Variants in CDC6 observed in about 807,000 individuals in gnomAD.
CDC6 encodes the protein cell division cycle 6, also known as DNA replication factor CDC6.
A neutral mutation model predicts 60.2 loss-of-function variants in CDC6; 46 were observed. The observed-to-expected ratio is 0.76, with a 90% confidence interval of 0.60 to 0.98. CDC6 has a LOEUF of 0.98. Ranked by LOEUF, CDC6 falls within the 50% of genes least tolerant of loss-of-function variation. CDC6 has a pLI of 0.00. For missense variants in CDC6, 596 were observed against 652.9 expected (o/e 0.91, Z 0.95); for synonymous variants, 210 against 233.2 (o/e 0.90, Z 0.90).
At chr17:40,293,074 A>G (rs192677415) in intron 4 of CDC6, among the ~76,000 whole-genome samples, 1 of 152,158 alleles carries the variant, frequency 6.6e-6, no homozygotes, top group African/African-American at 2.4e-5. Context: ...CCCCATCTCT[A>G]CTAAAAATAT....
Position 40,302,372 on chromosome 17 carries a change from T to C in CDC6, c.*371T>C, listed in dbSNP as rs1330821517. Reference sequence around the variant, plus strand: ...TTTGTTTTTTTTGTTGTTGTTGTTTTTGAGGCGCGTCTCACCCTGTTGCCC... The same window carrying C: ...TTTGTTTTTTTTGTTGTTGTTGTTTCTGAGGCGCGTCTCACCCTGTTGCCC... On this transcript the variant is annotated 3_prime_UTR_variant, in exon 12 of 12. Coordinates refer to ENST00000209728, the MANE Select transcript of CDC6 (RefSeq NM_001254.4). 1 of 262,778 alleles carries C rather than the reference T, an allele frequency of 3.8e-6. No homozygotes were observed. Among genetic ancestry groups the C allele is most frequent in the Non-Finnish European group, 7.4e-6 (1 of 135,704 alleles). The allele number at this position is 262,778 out of a possible 1,614,324, so 16.3% of individuals were successfully genotyped here. A position where few individuals can be genotyped will look rare whatever the true frequency, so the allele number is the denominator to read the frequency against.
chr17:40,301,152 T>A (rs2032934679), intron 10 of CDC6, 122 bp downstream of exon 10: 2 of 781,072 alleles, frequency 2.6e-6, no homozygotes, highest in Admixed American at 3.9e-5. Context: ...ATTTTAACAG[T>A]AAGAATTAAT....
Position 40,291,613 on chromosome 17 carries a change from G to T in CDC6, c.605G>T (p.Gly202Val). 2 of 1,614,212 alleles carry T rather than the reference G, an allele frequency of 1.2e-6. No homozygotes were observed. The highest frequency in any genetic ancestry group is 2.2e-5 in the South Asian group (2 of 91,090). The part of the protein sequence containing the change: ...GKKAGSLYLS[G>V]APGTGKTACL... Reference sequence around the variant, plus strand: ...AAAGCTGGAAGCCTTTACCTTTCTGGTGCTCCTGGAACTGGAAAAACTGCC... The same window carrying T: ...AAAGCTGGAAGCCTTTACCTTTCTGTTGCTCCTGGAACTGGAAAAACTGCC... The change falls in exon 4 of 12, where the codon GGT (glycine) becomes GTT (valine). Residue 202 changes from glycine to valine, a missense_variant. Physicochemically the swap from Gly to Val is moderately radical, Grantham distance 109. Transcript: ENST00000209728.
chr17:40,298,337 A>T (rs2032888902), intron 9 of CDC6, among the ~76,000 whole-genome samples: 1 of 152,094 alleles, frequency 6.6e-6, no homozygotes, highest in South Asian at 2.1e-4. Context: ...TCAAAAAGGT[A>T]AAGAGGTTGT....
Position 40,293,483 on chromosome 17 carries a change from A to G in CDC6, c.688A>G (p.Met230Val), listed in dbSNP as rs751753034. 6.2e-7 allele frequency: 1 copy of G among 1,614,098 alleles called. No individual in the cohort carries two copies. The highest frequency in any genetic ancestry group is 8.5e-7 in the Non-Finnish European group (1 of 1,179,962). ...KKELKGFKTI[M>V]LNCMSLRTAQ... ...GGAACTGAAAGGCTTTAAAACTATCATGCTGAATTGCATGTCCTTGAGGAC... is the reference window on the plus strand; with the variant it reads ...GGAACTGAAAGGCTTTAAAACTATCGTGCTGAATTGCATGTCCTTGAGGAC... The change falls in exon 5 of 12, where the codon ATG becomes GTG. Residue 230 changes from methionine (M) to valine (V), a missense_variant. Coordinates refer to ENST00000209728, the MANE Select transcript of CDC6 (RefSeq NM_001254.4).
chr17:40,299,136 G>GTTTTT (rs2032900365), intron 9 of CDC6, among the ~76,000 whole-genome samples: 2 of 101,650 alleles, frequency 2.0e-5, no homozygotes, highest in South Asian at 3.2e-4. Context: ...TAAGGCCATA[G>GTTTTT]TCTTTTTTTT....
At chr17:40,301,203 G>A (rs1227242250) in intron 10 of CDC6, among the ~76,000 whole-genome samples, 173 bp downstream of exon 10, 2 of 152,176 alleles carry the variant, frequency 1.3e-5, no homozygotes, top group African/African-American at 4.8e-5. Flanking sequence ...CTTGGATTGT[G>A]GTTGAGAGTT....
intron 6 of CDC6, 145 bp downstream of exon 6, chr17:40,294,201 C>T (rs950015680): frequency 2.2e-6 from 2 of 904,692 alleles, no homozygotes; most frequent in Admixed American, 3.7e-5. Flanking sequence ...TACATCTTAC[C>T]TAATAGATAC....
Position 40,287,927 on chromosome 17 carries a change from A to G in CDC6, c.-177A>G, listed in dbSNP as rs931970108. 1 of 153,142 alleles carries G rather than the reference A, an allele frequency of 6.5e-6. No individual in the cohort carries two copies. Among genetic ancestry groups the G allele is most frequent in the Admixed American group, 6.5e-5 (1 of 15,286 alleles). 9.5% of individuals were successfully genotyped at this position (153,142 alleles called of 1,614,324 possible). On this transcript the variant is annotated 5_prime_UTR_variant, in exon 1 of 12. Coordinates refer to ENST00000209728, the MANE Select transcript of CDC6 (RefSeq NM_001254.4). ...CTGGAGTTTGCTGCTGCCGCTGTGC[A>G]GTTTGTTCAGGGGCTTGTGGTGGTG...
In CDC6 at chr17:40,295,623, C is replaced by A. The variant is rs867108011; in HGVS notation, c.1184+167C>A. The A allele has an allele frequency of 3.5e-5, 22 of 621,514 alleles. No individual in the cohort carries two copies. The African/African-American group carries it at 3.9e-4, about 11-fold the overall frequency. 38.5% of individuals were successfully genotyped at this position (621,514 alleles called of 1,614,324 possible). A position where few individuals can be genotyped will look rare whatever the true frequency, so the allele number is the denominator to read the frequency against. ...TCAGTGGGGAGCTCTGGATTTCCAC[C>A]GTGTTAATGTCTGAAACATTATCAG... On this transcript the variant is annotated intron_variant, in intron 8 of 11. Transcript: ENST00000209728.
At position 40,296,703 on chromosome 17, in the gene CDC6, G is replaced by C; in HGVS notation, c.1185G>C (p.Arg395Ser). 1 of 1,582,304 alleles carries C rather than the reference G, an allele frequency of 6.3e-7. No homozygotes were observed. The highest frequency in any genetic ancestry group is 1.1e-5 in the South Asian group (1 of 90,310). ...GDVRKALDVC[R>S]RAIEIVESDV... ...TTAATTTTAGAAATTTTTTTTATAG[G>C]AGAGCTATTGAAATTGTAGAGTCAG... Residue 395 changes from arginine (R) to serine (S), a missense_variant and splice_region_variant, in exon 9 of 12, where the codon AGG becomes AGC. Physicochemically the swap from Arg to Ser is moderately radical, Grantham distance 110. Coordinates refer to ENST00000209728, the MANE Select transcript of CDC6 (RefSeq NM_001254.4).
At chr17:40,288,313 G>A (rs909324391) in intron 1 of CDC6, among the ~76,000 whole-genome samples, 1 of 152,208 alleles carries the variant, frequency 6.6e-6, no homozygotes, top group African/African-American at 2.4e-5. Flanking sequence ...TGAGGGCTTG[G>A]GATAGAAGAG....
At chr17:40,300,768 A>G (rs1039802935) in intron 9 of CDC6, 60 bp from the exon 10 acceptor site, 1 of 1,259,276 alleles carries the variant, frequency 7.9e-7, no homozygotes. Context: ...CTGTCTCATC[A>G]TACATACACA....
chr17:40,300,280 A>G (rs917647794), intron 9 of CDC6, among the ~76,000 whole-genome samples: 28 of 152,042 alleles, frequency 1.8e-4, no homozygotes, highest in Non-Finnish European at 3.8e-4. Flanking sequence ...TTCCTTTCTT[A>G]ATTACCAAGC....
Position 40,293,934 on chromosome 17 carries a change from G to C in CDC6, c.837-16G>C, listed in dbSNP as rs750691786. ...AAGAAGGTGAATATGGATACTAACT[G>C]TTTCTCTTTTTATAGTGTGTTGGTA... On this transcript the variant is annotated splice_polypyrimidine_tract_variant and intron_variant, in intron 5 of 11. Coordinates refer to ENST00000209728, the MANE Select transcript of CDC6 (RefSeq NM_001254.4). 6.3e-7 allele frequency: 1 copy of C among 1,594,928 alleles called. No individual in the cohort carries two copies. The highest frequency in any genetic ancestry group is 8.6e-7 in the Non-Finnish European group (1 of 1,162,504).
chr17:40,289,179 G>A, intron 1 of CDC6: 2 of 470,116 alleles, frequency 4.3e-6, no homozygotes, highest in East Asian at 8.2e-5. Flanking sequence ...TGTTAAACGA[G>A]TTGGTACCTA....
chr17:40,302,028 G>T lies in CDC6; in HGVS notation c.*27G>T, dbSNP rs1437182103. The T allele has an allele frequency of 7.8e-7, 1 of 1,277,598 alleles. No individual in the cohort carries two copies. 79.1% of individuals were successfully genotyped at this position (1,277,598 alleles called of 1,614,324 possible). ...TTCTTCTCTTACACCCCACCCGAAAGTATTCAGCTGGCATTTAGAGAGCTA... is the reference window on the plus strand; with the variant it reads ...TTCTTCTCTTACACCCCACCCGAAATTATTCAGCTGGCATTTAGAGAGCTA... On this transcript the variant is annotated 3_prime_UTR_variant, in exon 12 of 12. Coordinates refer to ENST00000209728, the MANE Select transcript of CDC6 (RefSeq NM_001254.4).
chr17:40,290,697 G>T (rs998343060), intron 2 of CDC6, among the ~76,000 whole-genome samples: 1 of 152,176 alleles, frequency 6.6e-6, no homozygotes, highest in African/African-American at 2.4e-5. Context: ...TGGGTGGATA[G>T]CATATACAGT....
Position 40,294,043 on chromosome 17 carries a change from C to G in CDC6, c.930C>G (p.His310Gln). The part of the protein sequence containing the change: ...LFEWPWLSNS[H>Q]LVLIGIANTL... ...AATGGCCATGGCTAAGCAATTCTCA[C>G]TTGGTGCTGATTGGTTAGTGCTCAA... Residue 310 changes from histidine (H) to glutamine (Q), a missense_variant, in exon 6 of 12, where the codon CAC becomes CAG. His to Gln is a conservative substitution (Grantham distance 24). Transcript: ENST00000209728. 1 of 1,611,234 alleles carries G rather than the reference C, an allele frequency of 6.2e-7. No individual in the cohort carries two copies. The highest frequency in any genetic ancestry group is 8.5e-7 in the Non-Finnish European group (1 of 1,177,314).
Sources: gnomAD v4.1 joint callset for allele counts (sites outside exome capture counted in the v4.1 genomes callset) on GRCh38, gnomAD v4.1.1 for gene constraint, MANE v1.5 for transcripts, NCBI Gene and HGNC (gene_info 2026-07-23, HGNC 2026-07-21) for gene names.